Variants in SHISA9 observed in about 807,000 individuals in gnomAD.
SHISA9 encodes protein shisa-9.
SHISA9 carries 13 observed loss-of-function variants against 38.0 expected under a neutral mutation model. The observed-to-expected ratio is 0.34, with a 90% CI of 0.22 to 0.54. The LOEUF (loss-of-function observed/expected upper bound fraction) is 0.54. SHISA9 is among the 20% of genes least tolerant of loss of function. The pLI is 0.91. For synonymous variants in SHISA9, 275 were observed against 242.0 expected (o/e 1.14, Z -1.27); for missense variants, 538 against 575.8 (o/e 0.93, Z 0.67).
At chr16:13,225,814 AAG>A (rs1440893341) in intron 4 of SHISA9, among the ~76,000 whole-genome samples, 2 of 152,292 alleles carry the variant, frequency 1.3e-5, no homozygotes, top group Admixed American at 6.5e-5. Flanking sequence ...GCTGCTAATT[AAG>A]AGAGAGACAG....
the SHISA9 span, among the ~76,000 whole-genome samples, chr16:13,431,933 C>T: frequency 0.01 from 1,556 of 152,180 alleles, 20 homozygotes; most frequent in African/African-American, 0.036. Context: ...TGGTGGCACA[C>T]GCCTGCAGTC....
the SHISA9 span, among the ~76,000 whole-genome samples, chr16:13,420,245 CAAAAAAAA>C: frequency 2.6e-3 from 133 of 50,406 alleles, 1 homozygote; most frequent in Admixed American, 5.2e-3. Context: ...GAATCTGTTT[CAAAAAAAA>C]AAAAAAAAAA....
At chr16:13,350,939 G>A in the SHISA9 span, among the ~76,000 whole-genome samples, 2 of 152,130 alleles carry the variant, frequency 1.3e-5, no homozygotes, top group African/African-American at 4.8e-5. Flanking sequence ...CATGAAGCCC[G>A]CAATATTTTC....
chr16:12,925,465 G>C (rs2071382361), intron 2 of SHISA9, among the ~76,000 whole-genome samples: 1 of 122,518 alleles, frequency 8.2e-6, no homozygotes, highest in Admixed American at 9.3e-5. Context: ...GTGTGTGTGT[G>C]TGTGTGTGCA....
chr16:13,358,075 A>G, the SHISA9 span, among the ~76,000 whole-genome samples: 3 of 152,088 alleles, frequency 2.0e-5, no homozygotes, highest in Admixed American at 6.5e-5. Context: ...TGCCTCTGTG[A>G]TGGGTACGGC....
At chr16:13,352,693 G>C in the SHISA9 span, among the ~76,000 whole-genome samples, 4 of 32,754 alleles carry the variant, frequency 1.2e-4, no homozygotes, top group Non-Finnish European at 2.8e-4. Flanking sequence ...TCAGCGAAGG[G>C]AGATAAGGGG....
At chr16:13,520,014 C>G in the SHISA9 span, among the ~76,000 whole-genome samples, 2 of 152,084 alleles carry the variant, frequency 1.3e-5, no homozygotes, top group African/African-American at 4.8e-5. Flanking sequence ...CAGTCCATGG[C>G]ACCTATCCAG....
At chr16:13,487,659 C>T in the SHISA9 span, among the ~76,000 whole-genome samples, 3 of 152,238 alleles carry the variant, frequency 2.0e-5, no homozygotes, top group Non-Finnish European at 2.9e-5. Context: ...AACTTTATCA[C>T]TCCATATACT....
the SHISA9 span, among the ~76,000 whole-genome samples, chr16:13,544,261 T>C: frequency 6.7e-6 from 1 of 148,564 alleles, no homozygotes; most frequent in South Asian, 2.1e-4. Flanking sequence ...ATATATAATA[T>C]ATGTATCTTT....
chr16:13,038,242 G>A (rs973557825), intron 2 of SHISA9, among the ~76,000 whole-genome samples: 1 of 152,194 alleles, frequency 6.6e-6, no homozygotes, highest in African/African-American at 2.4e-5. Context: ...CAACTGCCTT[G>A]GCCTCCCAAA....
At chr16:13,336,284 A>G in the SHISA9 span, among the ~76,000 whole-genome samples, 1 of 152,356 alleles carries the variant, frequency 6.6e-6, no homozygotes, top group East Asian at 1.9e-4. Flanking sequence ...CTCTGTGCCA[A>G]ATAGCCAGTC....
the SHISA9 span, among the ~76,000 whole-genome samples, chr16:13,398,566 T>A: frequency 6.6e-6 from 1 of 151,390 alleles, no homozygotes; most frequent in Admixed American, 6.6e-5. Flanking sequence ...AGTGGCATGA[T>A]CTTGGCTCAC....
chr16:13,274,327 T>C, the SHISA9 span, among the ~76,000 whole-genome samples: 1 of 152,192 alleles, frequency 6.6e-6, no homozygotes, highest in South Asian at 2.1e-4. Context: ...AGTTGCTATA[T>C]ACAAGATTGT....
chr16:13,131,086 A>G (rs2050302175), intron 2 of SHISA9, among the ~76,000 whole-genome samples: 1 of 142,128 alleles, frequency 7.0e-6, no homozygotes, highest in South Asian at 2.4e-4. Flanking sequence ...CAGAAATACC[A>G]TTTGACCCAG....
At chr16:13,019,945 TTCTTTCTTTCTTTCCCTCCTTC>T (rs2072826426) in intron 2 of SHISA9, among the ~76,000 whole-genome samples, 5 of 79,892 alleles carry the variant, frequency 6.3e-5, no homozygotes, top group Non-Finnish European at 1.1e-4. Context: ...CTTTCTTTCT[TTCTTTCTTTCTTTCCCTCCTTC>T]TTTCCTTCCT....
chr16:13,030,232 A>G (rs542172338), intron 2 of SHISA9, among the ~76,000 whole-genome samples: 1 of 151,908 alleles, frequency 6.6e-6, no homozygotes, highest in Admixed American at 6.6e-5. Context: ...TATTGCAAGA[A>G]CCCCCCACTC....
chr16:13,266,419 A>C, the SHISA9 span, among the ~76,000 whole-genome samples: 1 of 152,262 alleles, frequency 6.6e-6, no homozygotes, highest in Middle Eastern at 3.4e-3. Flanking sequence ...TGTCTCTAAG[A>C]GCCTGGAGTG....
At chr16:12,927,352 T>G (rs982934393) in intron 2 of SHISA9, among the ~76,000 whole-genome samples, 1 of 152,080 alleles carries the variant, frequency 6.6e-6, no homozygotes, top group Non-Finnish European at 1.5e-5. Context: ...AGGTCTGGAG[T>G]TGTGTGCTCA....
At chr16:12,975,761 G>C (rs1411283123) in intron 2 of SHISA9, among the ~76,000 whole-genome samples, 1 of 151,978 alleles carries the variant, frequency 6.6e-6, no homozygotes, top group South Asian at 2.1e-4. Flanking sequence ...ACTGGAAAAA[G>C]AGGGAAGATG....
Sources: allele counts gnomAD v4.1 joint callset (sites outside exome capture counted in the v4.1 genomes callset), GRCh38; gene constraint gnomAD v4.1.1; transcripts MANE v1.5; gene names NCBI Gene and HGNC (gene_info 2026-07-23, HGNC 2026-07-21).